KDM6A: variants seen among roughly 807,000 people sequenced by gnomAD.
The protein encoded by KDM6A is lysine demethylase 6A.
In KDM6A, 11 loss-of-function variants were observed where a neutral mutation model predicts 117.6. That is an observed-to-expected ratio of 0.09 (90% confidence interval 0.06 to 0.15). The LOEUF (loss-of-function observed/expected upper bound fraction) is 0.15. Among genes scored for constraint, KDM6A ranks in the 10% least tolerant of loss-of-function variants. The pLI, the probability that KDM6A is intolerant of heterozygous loss-of-function variation, is 1.00. For synonymous variants in KDM6A, 384 were observed against 396.1 expected (o/e 0.97, Z 0.36); for missense variants, 799 against 1,077.3 (o/e 0.74, Z 3.62).
chrX:44,977,499 A>C (rs1209985589), intron 4 of KDM6A, among the ~76,000 whole-genome samples: 1 of 111,478 alleles, frequency 9.0e-6, no homozygotes, highest in Non-Finnish European at 1.9e-5. Flanking sequence ...ACTGGCCTCA[A>C]GTAATTCTCC....
At chrX:45,078,011 G>A (rs1174705759) in intron 19 of KDM6A, among the ~76,000 whole-genome samples, 1 of 111,689 alleles carries the variant, frequency 9.0e-6, no homozygotes, top group Non-Finnish European at 1.9e-5. Flanking sequence ...CATGTAAGTG[G>A]AACCATACAA....
At chrX:45,018,405 GT>G (rs1197968168) in intron 5 of KDM6A, among the ~76,000 whole-genome samples, 9 of 111,470 alleles carry the variant, frequency 8.1e-5, no homozygotes. Flanking sequence ...TGGAACATGT[GT>G]TTTTTGCTTA....
intron 2 of KDM6A, among the ~76,000 whole-genome samples, chrX:44,914,274 G>A: frequency 8.9e-6 from 1 of 112,003 alleles, no homozygotes; most frequent in African/African-American, 3.2e-5. Flanking sequence ...TATCTGCCTC[G>A]TTATTTAAGG....
At chrX:44,980,885 T>A (rs2039873768) in intron 4 of KDM6A, among the ~76,000 whole-genome samples, 1 of 109,749 alleles carries the variant, frequency 9.1e-6, no homozygotes, top group African/African-American at 3.3e-5. Context: ...AAACATTACA[T>A]TTTTACTGTT....
At chrX:45,033,035 T>C (rs1400023704) in intron 6 of KDM6A, among the ~76,000 whole-genome samples, 1 of 112,101 alleles carries the variant, frequency 8.9e-6, no homozygotes, top group African/African-American at 3.2e-5. Flanking sequence ...TATTGCCATA[T>C]TGAAGGCCGT....
intron 6 of KDM6A, among the ~76,000 whole-genome samples, chrX:45,024,256 A>G (rs111446150): frequency 0.041 from 4,595 of 111,852 alleles, 84 homozygotes; most frequent in Middle Eastern, 0.084. Context: ...TCCCACCAGC[A>G]GTGTAAAAGT....
intron 2 of KDM6A, among the ~76,000 whole-genome samples, chrX:44,906,799 G>A (rs1216874486): frequency 9.0e-6 from 1 of 111,683 alleles, no homozygotes; most frequent in African/African-American, 3.3e-5. Context: ...GATTATCGGC[G>A]TGAGCCACTG....
chrX:45,051,719 A>G lies in KDM6A; in HGVS notation c.665A>G (p.His222Arg). The part of the protein sequence containing the change: ...AHLYETQRKY[H>R]SAKEAYEQLL... ...TTTTCTGTTCTTTAGAGGAAATATC[A>G]TTCTGCAAAAGAAGCTTATGAACAA... The change falls in exon 9 of 30, where the codon CAT becomes CGT. Residue 222 changes from histidine to arginine, a missense_variant. By Grantham distance (29) the His-to-Arg change is conservative. Coordinates refer to ENST00000611820, the MANE Select transcript of KDM6A (RefSeq NM_001291415.2). The G allele has an allele frequency of 8.6e-7, 1 of 1,161,275 alleles. No homozygotes were observed.
intron 8 of KDM6A, among the ~76,000 whole-genome samples, chrX:45,041,127 A>G (rs1396709954): frequency 2.2e-5 from 1 of 46,411 alleles, no homozygotes; most frequent in Admixed American, 2.5e-4. Context: ...CGGGGGGCTG[A>G]CCCCCACCAC....
intron 18 of KDM6A, among the ~76,000 whole-genome samples, chrX:45,075,148 G>A (rs766513158): frequency 9.0e-6 from 1 of 111,522 alleles, no homozygotes; most frequent in Non-Finnish European, 1.9e-5. Flanking sequence ...GCTTATATTC[G>A]ATAGAGTGGC....
At chrX:45,084,579 G>C (rs1325929291) in intron 24 of KDM6A, among the ~76,000 whole-genome samples, 1 of 111,624 alleles carries the variant, frequency 9.0e-6, no homozygotes, top group African/African-American at 3.3e-5. Flanking sequence ...AAATGGGTCA[G>C]TGGTTCCCCA....
intron 4 of KDM6A, among the ~76,000 whole-genome samples, chrX:44,991,428 G>C (rs2040578078): frequency 9.2e-6 from 1 of 109,099 alleles, no homozygotes; most frequent in Non-Finnish European, 1.9e-5. Flanking sequence ...TCTAGTTCAG[G>C]ACCATAGGTT....
At chrX:44,916,506 A>G (rs2035567234) in intron 2 of KDM6A, among the ~76,000 whole-genome samples, 1 of 111,247 alleles carries the variant, frequency 9.0e-6, no homozygotes, top group Non-Finnish European at 1.9e-5. Flanking sequence ...TTAAAAGAGG[A>G]AAGAATGAGA....
chrX:44,880,452 CTTTTTTTT>C lies in KDM6A; in HGVS notation c.225+6474_225+6481del, dbSNP rs750171607. Among the ~76,000 whole-genome samples the C allele has an allele frequency of 4.3e-5, 4 of 91,970 alleles. No individual in the cohort carries two copies. The Admixed American group carries it at 4.8e-4, about 11-fold the overall frequency. The allele number at this position is 91,970 out of a possible 115,157, so 79.9% of individuals were successfully genotyped here. ...AACTGTTTTATAGATTTCTGTACTG[CTTTTTTTT>C]TTTTTTTTAACACCGTAGACATATA... On this transcript the variant is annotated intron_variant, in intron 2 of 29. Transcript: ENST00000611820.
At chrX:45,000,642 A>G (rs1341139431) in intron 4 of KDM6A, among the ~76,000 whole-genome samples, 1 of 112,794 alleles carries the variant, frequency 8.9e-6, no homozygotes, top group Admixed American at 9.3e-5. Context: ...TCAGGTCTCC[A>G]AGGAACGCCG....
intron 10 of KDM6A, among the ~76,000 whole-genome samples, chrX:45,058,649 A>G (rs1341049527): frequency 1.8e-5 from 2 of 110,776 alleles, no homozygotes; most frequent in African/African-American, 6.6e-5. Flanking sequence ...AGGAAACTAG[A>G]GGTCAAGCTG....
intron 24 of KDM6A, among the ~76,000 whole-genome samples, chrX:45,084,411 A>G (rs1041836977): frequency 1.8e-5 from 2 of 111,700 alleles, no homozygotes; most frequent in African/African-American, 6.5e-5. Flanking sequence ...GTTCAGCTGT[A>G]CCAATGTACT....
intron 2 of KDM6A, among the ~76,000 whole-genome samples, chrX:44,906,402 C>T: frequency 9.1e-6 from 1 of 110,232 alleles, no homozygotes; most frequent in East Asian, 2.9e-4. Flanking sequence ...GCTCCCACCT[C>T]AGCCTCCCAA....
At chrX:45,000,832 C>T (rs2041107477) in intron 4 of KDM6A, among the ~76,000 whole-genome samples, 1 of 112,548 alleles carries the variant, frequency 8.9e-6, no homozygotes, top group African/African-American at 3.2e-5. Context: ...CTGTAGAATC[C>T]TGGAAAAGAG....
Sources: allele counts gnomAD v4.1 joint callset (sites outside exome capture counted in the v4.1 genomes callset), GRCh38; gene constraint gnomAD v4.1.1; transcripts MANE v1.5; gene names NCBI Gene and HGNC (gene_info 2026-07-23, HGNC 2026-07-21).